The following ZNF536 variants were observed in gnomAD, a reference collection of about 807,000 sequenced individuals.
ZNF536 encodes the protein zinc finger protein 536.
Under a neutral mutation model 84.5 loss-of-function variants are expected in ZNF536, and 13 were observed. The observed-to-expected ratio is 0.15, with a 90% confidence interval of 0.10 to 0.24. The LOEUF (loss-of-function observed/expected upper bound fraction) is 0.24. Ranked by LOEUF, ZNF536 falls within the 10% of genes least tolerant of loss-of-function variation. The pLI is 1.00. For synonymous variants in ZNF536, 811 were observed against 742.5 expected (o/e 1.09, Z -1.50); for missense variants, 1,536 against 1,747.5 (o/e 0.88, Z 2.16).
intron 1 of ZNF536, among the ~76,000 whole-genome samples, chr19:30,642,365 T>C (rs2147348605): frequency 6.6e-6 from 1 of 152,268 alleles, no homozygotes; most frequent in Admixed American, 6.5e-5. Flanking sequence ...AGGAAAGTTC[T>C]TCTAGTCAAT....
chr19:30,416,259 A>C (rs2050726970), intron 1 of ZNF536, among the ~76,000 whole-genome samples: 1 of 145,312 alleles, frequency 6.9e-6, no homozygotes, highest in Non-Finnish European at 1.5e-5. Flanking sequence ...ACTAGTTAGA[A>C]TTTTTTATTA....
intron 2 of ZNF536, among the ~76,000 whole-genome samples, chr19:30,290,910 A>G (rs550474100): frequency 6.6e-6 from 1 of 151,636 alleles, no homozygotes; most frequent in East Asian, 1.9e-4. Flanking sequence ...TCATTGTTCA[A>G]CTCCCACTTA....
At chr19:30,504,963 A>T (rs1431633400) in intron 2 of ZNF536, among the ~76,000 whole-genome samples, 4 of 152,228 alleles carry the variant, frequency 2.6e-5, no homozygotes, top group Admixed American at 2.6e-4. Flanking sequence ...CAAAGAAAAA[A>T]TTCAAAAGTT....
intron 1 of ZNF536, among the ~76,000 whole-genome samples, chr19:30,377,581 AATGCTCGTATAT>A (rs2048865927): frequency 6.6e-6 from 1 of 152,188 alleles, no homozygotes; most frequent in Admixed American, 6.5e-5. Flanking sequence ...CCCTAGGTCC[AATGCTCGTATAT>A]ATAGGATAAA....
rs2146220755 is a variant in ZNF536 at position 30,548,831 on chromosome 19, C to G, written c.3212C>G (p.Ser1071Cys). 1 of 1,614,118 alleles carries G rather than the reference C, an allele frequency of 6.2e-7. No homozygotes were observed. The highest frequency in any genetic ancestry group is 8.5e-7 in the Non-Finnish European group (1 of 1,180,028). The change falls in exon 4 of 5, where the codon TCT becomes TGT. Residue 1071 changes from serine (S) to cysteine (C), a missense_variant. Physicochemically the swap from Ser to Cys is moderately radical, Grantham distance 112 (BLOSUM62 -1). Transcript: ENST00000355537. ...KDLGLSNMIS[S>C]LDSASEKMAQ... The stretch of plus-strand genomic sequence containing the variant: ...CTGGGCCTCTCCAATATGATCAGCT[C>G]TCTAGACTCTGCTTCTGAGAAGATG...
chr19:30,560,272 C>T (rs2046113662), downstream of ZNF536, among the ~76,000 whole-genome samples: 1 of 151,966 alleles, frequency 6.6e-6, no homozygotes, highest in Non-Finnish European at 1.5e-5. Context: ...AACAAGCCCA[C>T]CATCCCCATA....
In ZNF536 at chr19:30,548,106, T is replaced by C. The variant is rs2146182721; in HGVS notation, c.2487T>C (p.Ala829=). 6.2e-7 allele frequency: 1 copy of C among 1,614,094 alleles called. No homozygotes were observed. The highest frequency in any genetic ancestry group is 1.1e-5 in the South Asian group (1 of 91,076). Residue 829 remains alanine, a synonymous_variant, in exon 4 of 5, where the codon GCT becomes GCC. Coordinates refer to ENST00000355537, the MANE Select transcript of ZNF536 (RefSeq NM_014717.3). ...ACAAGGATGAGATGTCAAGCAAAGCTTCTCTGTTCATCAGGCCAGACATCC... is the reference window on the plus strand; with the variant it reads ...ACAAGGATGAGATGTCAAGCAAAGCCTCTCTGTTCATCAGGCCAGACATCC... The part of the protein sequence containing the change: ...QDHKDEMSSK[A]SLFIRPDILR...
Position 30,548,848 on chromosome 19 carries a change from GAGA to G in ZNF536, c.3233_3235del (p.Lys1078del). 1 of 1,614,140 alleles carries G rather than the reference GAGA, an allele frequency of 6.2e-7. No homozygotes were observed. Among genetic ancestry groups the G allele is most frequent in the Non-Finnish European group, 8.5e-7 (1 of 1,180,032 alleles). On this transcript the variant is annotated inframe_deletion, in exon 4 of 5. Coordinates refer to ENST00000355537, the MANE Select transcript of ZNF536 (RefSeq NM_014717.3). ...GATCAGCTCTCTAGACTCTGCTTCTGAGAAGATGGCCCAAGGTCAGCTCAAGGA... is the reference window on the plus strand; with the variant it reads ...GATCAGCTCTCTAGACTCTGCTTCTGAGATGGCCCAAGGTCAGCTCAAGGA...
intron 3 of ZNF536, 43 bp downstream of exon 3, chr19:30,535,042 A>G (rs2145941362): frequency 6.4e-7 from 1 of 1,571,676 alleles, no homozygotes; most frequent in Non-Finnish European, 8.7e-7. Context: ...CCAGAGAAGG[A>G]GGAGGTCCCC....
intron 3 of ZNF536, among the ~76,000 whole-genome samples, chr19:30,545,981 C>T (rs2045538347): frequency 6.6e-6 from 1 of 152,262 alleles, no homozygotes; most frequent in South Asian, 2.1e-4. Context: ...CCTGGCCCTC[C>T]CGCAGGGCTT....
At chr19:30,616,434 A>C (rs1408778995) in intron 1 of ZNF536, among the ~76,000 whole-genome samples, 4 of 152,250 alleles carry the variant, frequency 2.6e-5, no homozygotes, top group African/African-American at 7.2e-5. Flanking sequence ...TTTCTCTGAC[A>C]TAATATTAAA....
chr19:30,278,918 G>A (rs1476242080), intron 1 of ZNF536, among the ~76,000 whole-genome samples: 1 of 152,116 alleles, frequency 6.6e-6, no homozygotes, highest in African/African-American at 2.4e-5. Flanking sequence ...AGTGGCTCAG[G>A]ATAAAACCCT....
At chr19:30,439,160 TGCACACACAC>T (rs1351626819) in intron 1 of ZNF536, among the ~76,000 whole-genome samples, 1 of 152,054 alleles carries the variant, frequency 6.6e-6, no homozygotes, top group Non-Finnish European at 1.5e-5. Flanking sequence ...ACATAATTAT[TGCACACACAC>T]GCACACACAC....
chr19:30,414,438 GT>G (rs2050627669), intron 1 of ZNF536, among the ~76,000 whole-genome samples: 1 of 152,046 alleles, frequency 6.6e-6, no homozygotes, highest in African/African-American at 2.4e-5. Context: ...GGCATATGAA[GT>G]TTTCTCTCTT....
At chr19:30,487,177 G>A (rs573805408) in intron 2 of ZNF536, among the ~76,000 whole-genome samples, 7 of 152,250 alleles carry the variant, frequency 4.6e-5, no homozygotes, top group African/African-American at 1.7e-4. Flanking sequence ...CTGCTTCTGA[G>A]AATCTATTTT....
chr19:30,263,429 C>A (rs1023855987), intron 1 of ZNF536, among the ~76,000 whole-genome samples: 4 of 152,136 alleles, frequency 2.6e-5, no homozygotes, highest in African/African-American at 9.7e-5. Flanking sequence ...GGACCATCCC[C>A]CCGACCAGCT....
intron 1 of ZNF536, among the ~76,000 whole-genome samples, chr19:30,602,405 G>T (rs935027628): frequency 6.6e-6 from 1 of 152,174 alleles, no homozygotes; most frequent in African/African-American, 2.4e-5. Flanking sequence ...CCATTCTTGT[G>T]GGCTCTGTGC....
At chr19:30,421,241 C>G (rs1359721055) in intron 1 of ZNF536, among the ~76,000 whole-genome samples, 1 of 152,116 alleles carries the variant, frequency 6.6e-6, no homozygotes, top group Non-Finnish European at 1.5e-5. Context: ...AAAACTCCAT[C>G]GGTTCCCATT....
At chr19:30,563,847 C>T (rs2046260253) in intron 1 of ZNF536, among the ~76,000 whole-genome samples, 1 of 152,160 alleles carries the variant, frequency 6.6e-6, no homozygotes, top group South Asian at 2.1e-4. Context: ...GCCCCTTGCC[C>T]AGCCTGACAA....
Sources: gnomAD v4.1 joint callset for allele counts (sites outside exome capture counted in the v4.1 genomes callset) on GRCh38, gnomAD v4.1.1 for gene constraint, MANE v1.5 for transcripts, NCBI Gene and HGNC (gene_info 2026-07-23, HGNC 2026-07-21) for gene names.